The following DHDDS variants were observed in gnomAD, a reference collection of about 807,000 sequenced individuals.
The protein encoded by DHDDS is dehydrodolichyl diphosphate synthase complex subunit DHDDS.
In DHDDS, 16 loss-of-function variants were observed where a neutral mutation model predicts 46.2. The observed-to-expected ratio is 0.35, with a 90% CI of 0.23 to 0.53. The LOEUF is 0.53. Ranked by LOEUF, DHDDS falls within the 20% of genes least tolerant of loss-of-function variation. DHDDS has a pLI of 0.94. For synonymous variants in DHDDS, 151 were observed against 163.1 expected (o/e 0.93, Z 0.56); for missense variants, 340 against 423.7 (o/e 0.80, Z 1.73).
chr1:26,463,566 G>A (rs189366923), intron 8 of DHDDS: 1 of 152,936 alleles, frequency 6.5e-6, no homozygotes, highest in Non-Finnish European at 1.5e-5. Context: ...GAGTGCAATG[G>A]CGTGATCTCG....
At chr1:26,434,233 T>C (rs976607844) in intron 2 of DHDDS, among the ~76,000 whole-genome samples, 1 of 152,236 alleles carries the variant, frequency 6.6e-6, no homozygotes, top group Non-Finnish European at 1.5e-5. Context: ...TCTCTAGGAA[T>C]CACAGCAATA....
intron 6 of DHDDS, among the ~76,000 whole-genome samples, chr1:26,451,093 C>T (rs1190106925): frequency 6.6e-6 from 1 of 152,114 alleles, no homozygotes; most frequent in African/African-American, 2.4e-5. Context: ...CTTCTCTGTC[C>T]TGCATGGTTT....
chr1:26,437,107 T>A (rs1205682033), intron 2 of DHDDS, among the ~76,000 whole-genome samples: 1 of 151,688 alleles, frequency 6.6e-6, no homozygotes, highest in Non-Finnish European at 1.5e-5. Flanking sequence ...GAGGCAGAGG[T>A]TGCAATGAGC....
chr1:26,450,933 TGAAA>T (rs2075312973), intron 6 of DHDDS, among the ~76,000 whole-genome samples: 1 of 152,188 alleles, frequency 6.6e-6, no homozygotes, highest in South Asian at 2.1e-4. Context: ...GACACTAGAA[TGAAA>T]GAAAGCCATT....
intron 8 of DHDDS, among the ~76,000 whole-genome samples, chr1:26,462,104 C>G (rs1256257471): frequency 6.7e-6 from 1 of 149,976 alleles, no homozygotes; most frequent in African/African-American, 2.5e-5. Context: ...GTTGCCCAGG[C>G]TGGAGTGCAG....
At chr1:26,464,271 G>T (rs1296381792) in intron 8 of DHDDS, among the ~76,000 whole-genome samples, 1 of 152,112 alleles carries the variant, frequency 6.6e-6, no homozygotes, top group African/African-American at 2.4e-5. Flanking sequence ...AGGATTACAG[G>T]CATGAGCCGC....
At position 26,446,396 on chromosome 1, in the gene DHDDS, T is replaced by C. The variant is rs200277808; in HGVS notation, c.404T>C (p.Ile135Thr). The part of the protein sequence containing the change: ...HLLPLDLQEL[I>T]AQAVQATKNY... ...TTGCCCTTGGATCTCCAGGAGCTGA[T>C]TGCACAAGCTGTACAGGCCACGAAG... The change falls in exon 5 of 9, where the codon ATT (isoleucine) becomes ACT (threonine). Residue 135 changes from isoleucine to threonine, a missense_variant. Physicochemically the swap from Ile to Thr is moderately conservative, Grantham distance 89. This residue lies in a region of DHDDS where 268 missense variants were observed against 300.3 expected (regional missense o/e 0.89). Transcript: ENST00000236342. The C allele has an allele frequency of 3.8e-5, 62 of 1,613,862 alleles. No individual in the cohort carries two copies. Among genetic ancestry groups the C allele is most frequent in the African/African-American group, 5.3e-5 (4 of 74,904 alleles).
At chr1:26,461,585 A>T (rs2075422769) in intron 8 of DHDDS, among the ~76,000 whole-genome samples, 1 of 151,950 alleles carries the variant, frequency 6.6e-6, no homozygotes, top group African/African-American at 2.4e-5. Flanking sequence ...GGGTTTCTCC[A>T]TGTTGGTCAG....
chr1:26,449,769 G>A (rs372188855), intron 6 of DHDDS, among the ~76,000 whole-genome samples: 6 of 152,168 alleles, frequency 3.9e-5, no homozygotes, highest in African/African-American at 1.4e-4. Flanking sequence ...ATGTTGGCCA[G>A]GCTGGTCTCA....
chr1:26,459,611 C>T (rs1347619002), intron 7 of DHDDS, among the ~76,000 whole-genome samples: 1 of 152,224 alleles, frequency 6.6e-6, no homozygotes, highest in Non-Finnish European at 1.5e-5. Context: ...ATGCTCTCAA[C>T]CACTGTGCCC....
intron 7 of DHDDS, among the ~76,000 whole-genome samples, chr1:26,459,056 G>T (rs904469816): frequency 5.3e-5 from 8 of 152,202 alleles, no homozygotes; most frequent in Non-Finnish European, 7.3e-5. Context: ...TGGAAATATG[G>T]CAGTGAGTGA....
chr1:26,449,075 T>A (rs2124441710), intron 6 of DHDDS, among the ~76,000 whole-genome samples: 1 of 152,018 alleles, frequency 6.6e-6, no homozygotes, highest in South Asian at 2.1e-4. Flanking sequence ...AAATATTTTA[T>A]TTTTATTTAT....
At chr1:26,462,493 G>T (rs943894588) in intron 8 of DHDDS, among the ~76,000 whole-genome samples, 1 of 152,102 alleles carries the variant, frequency 6.6e-6, no homozygotes, top group African/African-American at 2.4e-5. Flanking sequence ...TCCTACTGCT[G>T]TCAACAGTTA....
chr1:26,465,611 A>T (rs1364517177), intron 8 of DHDDS, among the ~76,000 whole-genome samples: 1 of 152,182 alleles, frequency 6.6e-6, no homozygotes, highest in Non-Finnish European at 1.5e-5. Flanking sequence ...CAGGTTTGTG[A>T]TAGGGATTCA....
chr1:26,454,580 A>C, intron 6 of DHDDS: 21 of 751,336 alleles, frequency 2.8e-5, no homozygotes, highest in African/African-American at 3.5e-5. Flanking sequence ...GGATAGGACA[A>C]ATGGGCCCTG....
chr1:26,436,213 C>T (rs1436009647), intron 2 of DHDDS, among the ~76,000 whole-genome samples: 1 of 151,992 alleles, frequency 6.6e-6, no homozygotes, highest in African/African-American at 2.4e-5. Flanking sequence ...GCCTGGCCAA[C>T]ATGGTGAGAC....
chr1:26,454,749 C>A lies in DHDDS; in HGVS notation c.543-3042C>A. On this transcript the variant is annotated intron_variant, in intron 6 of 8. Coordinates refer to ENST00000236342, the MANE Select transcript of DHDDS (RefSeq NM_205861.3). ...TGTTCCTTTTCAGTAAGGATCATCTCAATGTGGCAGGGAGAGCTCATGGAT... is the reference window on the plus strand; with the variant it reads ...TGTTCCTTTTCAGTAAGGATCATCTAAATGTGGCAGGGAGAGCTCATGGAT... 2.5e-6 allele frequency: 4 copies of A among 1,589,048 alleles called. No individual in the cohort carries two copies. The South Asian group carries it at 4.4e-5, about 17-fold the overall frequency.
In DHDDS at chr1:26,469,611, A is replaced by G. The variant is rs552046225; in HGVS notation, c.*480A>G. 236 of 234,314 alleles carry G rather than the reference A, an allele frequency of 1.0e-3. 2 individuals carry two copies. In the Middle Eastern group the frequency reaches 0.014, roughly 14 times the overall value. The allele number at this position is 234,314 out of a possible 1,614,324, so 14.5% of individuals were successfully genotyped here. A position where few individuals can be genotyped will look rare whatever the true frequency, so the allele number is the denominator to read the frequency against. ...AGGCAGTTATTTGGGTAAGGAAAAA[A>G]GGGGTGGGAGAGACAGAAAATTTGC... On this transcript the variant is annotated 3_prime_UTR_variant, in exon 9 of 9. Coordinates refer to ENST00000236342, the MANE Select transcript of DHDDS (RefSeq NM_205861.3).
In DHDDS at chr1:26,457,943, G is replaced by C. The variant is rs374956711; in HGVS notation, c.657+38G>C. On this transcript the variant is annotated intron_variant, in intron 7 of 8. Coordinates refer to ENST00000236342, the MANE Select transcript of DHDDS (RefSeq NM_205861.3). ...CAAGTACTATTATGTTTGTGTCATG[G>C]GGAAACCAACTGTATCCACAGAATG... is the stretch of plus-strand genomic sequence containing the variant. 5.8e-6 allele frequency: 9 copies of C among 1,556,754 alleles called. No homozygotes were observed. In the African/African-American group the frequency reaches 1.2e-4, roughly 21 times the overall value.
Sources: allele counts gnomAD v4.1 joint callset (sites outside exome capture counted in the v4.1 genomes callset), GRCh38; gene constraint gnomAD v4.1.1; regional missense constraint gnomAD v4.1.1; transcripts MANE v1.5; gene names NCBI Gene and HGNC (gene_info 2026-07-23, HGNC 2026-07-21).